FGF14: variants seen among roughly 807,000 people sequenced by gnomAD.
FGF14 encodes fibroblast growth factor homologous factor 4.
FGF14 carries 5 observed loss-of-function variants against 25.5 expected under a neutral mutation model. The observed-to-expected ratio is 0.20, with a 90% CI of 0.10 to 0.41. The LOEUF is 0.41. Ranked by LOEUF, FGF14 falls within the 10% of genes least tolerant of loss-of-function variation. FGF14 has a pLI of 1.00. For missense variants in FGF14, 222 were observed against 320.1 expected (o/e 0.69, Z 2.34); for synonymous variants, 138 against 118.3 (o/e 1.17, Z -1.08).
intron 1 of FGF14, among the ~76,000 whole-genome samples, chr13:101,900,723 G>A (rs2031434227): frequency 6.6e-6 from 1 of 152,094 alleles, no homozygotes; most frequent in South Asian, 2.1e-4. Flanking sequence ...GCCGGGTAGT[G>A]CTCTATTCTT....
chr13:102,058,357 T>A (rs1196100950), intron 1 of FGF14, among the ~76,000 whole-genome samples: 1 of 152,254 alleles, frequency 6.6e-6, no homozygotes, highest in Non-Finnish European at 1.5e-5. Context: ...TAGTTTGATT[T>A]TCTCAGTAAT....
intron 1 of FGF14, among the ~76,000 whole-genome samples, chr13:102,390,132 C>CT (rs1566981522): frequency 6.6e-6 from 1 of 152,124 alleles, no homozygotes. Context: ...TGAAGTTCTA[C>CT]TATAGGTCAA....
intron 1 of FGF14, among the ~76,000 whole-genome samples, chr13:102,399,879 GCTA>G (rs892758960): frequency 2.0e-5 from 3 of 152,210 alleles, no homozygotes; most frequent in Admixed American, 2.0e-4. Context: ...GCAGCCAGAG[GCTA>G]CTACCAGAGC....
intron 1 of FGF14, among the ~76,000 whole-genome samples, chr13:102,093,059 C>T (rs1352269035): frequency 6.6e-6 from 1 of 152,052 alleles, no homozygotes; most frequent in Non-Finnish European, 1.5e-5. Context: ...ACAGACAACC[C>T]TTGAACAACA....
chr13:101,875,314 T>C lies in FGF14; in HGVS notation c.194-18A>G, dbSNP rs934726392. On this transcript the variant is annotated intron_variant, in intron 1 of 4. Coordinates refer to ENST00000376143, the MANE Select transcript of FGF14 (RefSeq NM_004115.4). ...CTGGGGATCTGAAAGGCAAACATAG[T>C]TATCATAAGCCTCACAATGTGTCAC... 2.6e-6 allele frequency: 4 copies of C among 1,532,888 alleles called. No individual in the cohort carries two copies. The highest frequency in any genetic ancestry group is 3.3e-5 in the Admixed American group (2 of 59,792). 95.0% of individuals were successfully genotyped at this position (1,532,888 alleles called of 1,614,324 possible). A position where few individuals can be genotyped will look rare whatever the true frequency, so the allele number is the denominator to read the frequency against.
At position 101,860,200 on chromosome 13, in the gene FGF14, TTTC is replaced by T. The variant is rs1258664939; in HGVS notation, c.408+8522_408+8524del. The stretch of plus-strand genomic sequence containing the variant: ...TTAATGTCTTGCTTTCTTTCTATCA[TTTC>T]TTATTTCATTTTCTGAAGTCTCAGC... On this transcript the variant is annotated intron_variant, in intron 3 of 4. Coordinates refer to ENST00000376143, the MANE Select transcript of FGF14 (RefSeq NM_004115.4). Among the ~76,000 whole-genome samples, 5 of 152,218 alleles carry T rather than the reference TTTC, an allele frequency of 3.3e-5. No individual in the cohort carries two copies. In the East Asian group the frequency reaches 9.7e-4, roughly 30 times the overall value.
intron 1 of FGF14, among the ~76,000 whole-genome samples, chr13:102,370,047 A>C (rs1029452824): frequency 2.6e-5 from 4 of 151,940 alleles, no homozygotes; most frequent in African/African-American, 4.8e-5. Flanking sequence ...GCTGGAGTGC[A>C]GTGTTGCAAC....
intron 1 of FGF14, among the ~76,000 whole-genome samples, chr13:101,890,834 G>A (rs2046230973): frequency 1.3e-5 from 2 of 152,142 alleles, no homozygotes; most frequent in African/African-American, 4.8e-5. Flanking sequence ...GGGGGTGGAG[G>A]AGGAAAGAAC....
chr13:101,732,366 C>A (rs909986729), intron 3 of FGF14, among the ~76,000 whole-genome samples: 1 of 152,004 alleles, frequency 6.6e-6, no homozygotes, highest in African/African-American at 2.4e-5. Context: ...CTAGGCAATT[C>A]CAAAATAACT....
At chr13:102,048,185 A>G (rs1001939012) in intron 1 of FGF14, among the ~76,000 whole-genome samples, 10 of 152,118 alleles carry the variant, frequency 6.6e-5, no homozygotes, top group Admixed American at 6.6e-4. Context: ...GATGTGGTAG[A>G]TGAGGAAACA....
At chr13:102,252,187 G>A (rs1362614555) in intron 1 of FGF14, among the ~76,000 whole-genome samples, 1 of 152,198 alleles carries the variant, frequency 6.6e-6, no homozygotes, top group Non-Finnish European at 1.5e-5. Context: ...GGGAAGAACT[G>A]GAGCAGGACA....
rs2048677135 is a variant in FGF14 at position 102,181,572 on chromosome 13, G to A, written c.208+219899C>T. Among the ~76,000 whole-genome samples the A allele has an allele frequency of 2.0e-5, 3 of 152,196 alleles. No individual in the cohort carries two copies. In the South Asian group the frequency reaches 6.2e-4, roughly 32 times the overall value. On this transcript the variant is annotated intron_variant, in intron 1 of 4. Coordinates refer to the FGF14 transcript ENST00000376131. ...GAGGAGAGGAGGCGTTGTGCTGATG[G>A]AAGCAGAGATTGAGGCAATGCAGCT...
rs140034249 is a variant in FGF14, at chr13:102,146,129, A to C, written c.208+255342T>G. Among the ~76,000 whole-genome samples the C allele has an allele frequency of 6.6e-5, 10 of 152,318 alleles. No individual in the cohort carries two copies. In the South Asian group the frequency reaches 1.4e-3, roughly 22 times the overall value. ...TCTTCCTGGTTGCTTGTACAAAGTCACTTCACAATGACTATCAGTGTCAGT... is the reference window on the plus strand; with the variant it reads ...TCTTCCTGGTTGCTTGTACAAAGTCCCTTCACAATGACTATCAGTGTCAGT... On this transcript the variant is annotated intron_variant, in intron 1 of 4. Coordinates refer to the FGF14 transcript ENST00000376131.
At chr13:102,393,794 G>A (rs2058493586) in intron 1 of FGF14, 1 of 152,190 alleles carries the variant, frequency 6.6e-6, no homozygotes, top group African/African-American at 2.4e-5. Context: ...CTGGCTCTTG[G>A]AACAGTCGCT....
In FGF14 at chr13:101,836,149, TA is replaced by T. The variant is rs563459783; in HGVS notation, c.408+32575del. Among the ~76,000 whole-genome samples the T allele has an allele frequency of 1.0e-3, 159 of 152,108 alleles. 1 individual carries two copies. The highest frequency in any genetic ancestry group is 3.8e-3 in the African/African-American group (157 of 41,526). ...GACTGTGGTATTAGCACTTTGCTTG[TA>T]AAAGACTGAGCAATTTGAAGTCTCC... is the stretch of plus-strand genomic sequence containing the variant. On this transcript the variant is annotated intron_variant, in intron 3 of 4. Coordinates refer to ENST00000376143, the MANE Select transcript of FGF14 (RefSeq NM_004115.4).
intron 3 of FGF14, among the ~76,000 whole-genome samples, chr13:101,841,765 T>C (rs2043207534): frequency 1.3e-5 from 2 of 152,066 alleles, no homozygotes; most frequent in South Asian, 4.1e-4. Flanking sequence ...AGTGTTCTCT[T>C]TGAATCATGC....
At chr13:101,828,466 A>G (rs1429415580) in intron 3 of FGF14, among the ~76,000 whole-genome samples, 1 of 148,120 alleles carries the variant, frequency 6.8e-6, no homozygotes, top group Non-Finnish European at 1.5e-5. Flanking sequence ...CTTTAAAAAT[A>G]AAAGACTTTT....
At chr13:101,818,886 A>G (rs904690604) in intron 3 of FGF14, among the ~76,000 whole-genome samples, 4 of 152,108 alleles carry the variant, frequency 2.6e-5, no homozygotes, top group African/African-American at 9.7e-5. Flanking sequence ...ATTTTTCCCA[A>G]CATTCGTTCA....
At chr13:102,180,337 G>C (rs1351546352) in intron 1 of FGF14, among the ~76,000 whole-genome samples, 1 of 151,938 alleles carries the variant, frequency 6.6e-6, no homozygotes, top group Non-Finnish European at 1.5e-5. Flanking sequence ...TTTTGAGACA[G>C]AGTCTCACTC....
Sources: allele counts gnomAD v4.1 joint callset (sites outside exome capture counted in the v4.1 genomes callset), GRCh38; gene constraint gnomAD v4.1.1; transcripts MANE v1.5; gene names NCBI Gene and HGNC (gene_info 2026-07-23, HGNC 2026-07-21).